KRR1: variants seen among roughly 807,000 people sequenced by gnomAD.
KRR1 encodes KRR1 small subunit processome component homolog.
A neutral mutation model predicts 50.0 loss-of-function variants in KRR1; 23 were observed. The ratio of observed to expected loss-of-function variants is 0.46; its 90% CI spans 0.33 to 0.65. The LOEUF (loss-of-function observed/expected upper bound fraction) is 0.65, where lower values mean the gene tolerates loss of function less well. Among genes scored for constraint, KRR1 ranks in the 30% least tolerant of loss-of-function variants. The pLI, the probability that KRR1 is intolerant of heterozygous loss-of-function variation, is 0.02. For synonymous variants in KRR1, 133 were observed against 146.3 expected (o/e 0.91, Z 0.66); for missense variants, 419 against 442.4 (o/e 0.95, Z 0.47).
intron 2 of KRR1, 74 bp downstream of exon 2, chr12:75,508,200 T>TA: frequency 1.0e-6 from 1 of 1,004,942 alleles, no homozygotes; most frequent in South Asian, 2.2e-5. Flanking sequence ...AAAAAAAGCA[T>TA]TAGCATACAT....
intron 2 of KRR1, 35 bp downstream of exon 2, chr12:75,508,239 T>A: frequency 6.7e-7 from 1 of 1,490,594 alleles, no homozygotes; most frequent in Non-Finnish European, 9.0e-7. Context: ...AAGAGCAAAG[T>A]CTCAAATAAA....
chr12:75,502,128 G>A, intron 7 of KRR1, 128 bp from the exon 8 acceptor site: 1 of 741,702 alleles, frequency 1.3e-6, no homozygotes, highest in Non-Finnish European at 2.3e-6. Context: ...AAATGGTAGT[G>A]ACATAAAGGA....
At chr12:75,511,418 T>C (rs1333563027) in intron 1 of KRR1, 95 bp downstream of exon 1, 9 of 1,079,926 alleles carry the variant, frequency 8.3e-6, no homozygotes, top group Admixed American at 1.7e-5. Context: ...CAGTACAGGC[T>C]CCAGGTGGTT....
chr12:75,499,032 T>G lies in KRR1; in HGVS notation c.*777A>C, dbSNP rs1296911982. 8.3e-7 allele frequency: 1 copy of G among 1,206,714 alleles called. No individual in the cohort carries two copies. Among genetic ancestry groups the G allele is most frequent in the Non-Finnish European group, 1.1e-6 (1 of 871,984 alleles). The allele number at this position is 1,206,714 out of a possible 1,614,324, so 74.8% of individuals were successfully genotyped here. A position where few individuals can be genotyped will look rare whatever the true frequency, so the allele number is the denominator to read the frequency against. ...ACCAACCTCATTCACATATGGCTTT[T>G]TTTTTAACCAATAACAATTAGGTGT... On this transcript the variant is annotated 3_prime_UTR_variant, in exon 10 of 10. Coordinates refer to ENST00000229214, the MANE Select transcript of KRR1 (RefSeq NM_007043.7).
At position 75,498,720 on chromosome 12, in the gene KRR1, C is replaced by A; in HGVS notation, c.*1089G>T. The stretch of plus-strand genomic sequence containing the variant: ...TAACCGACAGCGAGACCAAGTCAAA[C>A]GTACGTACATCAATCTTAAATTGTT... On this transcript the variant is annotated 3_prime_UTR_variant, in exon 10 of 10. Coordinates refer to ENST00000229214, the MANE Select transcript of KRR1 (RefSeq NM_007043.7). The A allele has an allele frequency of 6.2e-7, 1 of 1,612,438 alleles. No individual in the cohort carries two copies. The highest frequency in any genetic ancestry group is 8.5e-7 in the Non-Finnish European group (1 of 1,178,774).
chr12:75,503,789 C>T, intron 7 of KRR1, 115 bp downstream of exon 7: 1 of 942,824 alleles, frequency 1.1e-6, no homozygotes, highest in Non-Finnish European at 1.6e-6. Flanking sequence ...TCTGCACACA[C>T]ACACACAATA....
In KRR1 at chr12:75,495,539, G is replaced by A. The variant is rs201947796; in HGVS notation, c.*4270C>T. The A allele has an allele frequency of 3.3e-5, 41 of 1,241,978 alleles. No homozygotes were observed. The Admixed American group carries it at 4.1e-4, about 12-fold the overall frequency. The allele number at this position is 1,241,978 out of a possible 1,614,324, so 76.9% of individuals were successfully genotyped here. A position where few individuals can be genotyped will look rare whatever the true frequency, so the allele number is the denominator to read the frequency against. ...TAGTAAATTGCAATTTTAAAAAACCGAAAAACTTCTAATGGACATCCTTCT... is the reference window on the plus strand; with the variant it reads ...TAGTAAATTGCAATTTTAAAAAACCAAAAAACTTCTAATGGACATCCTTCT... On this transcript the variant is annotated 3_prime_UTR_variant, in exon 10 of 10. Transcript: ENST00000229214.
Position 75,492,234 on chromosome 12 carries a change from A to G in KRR1, c.*7575T>C, listed in dbSNP as rs956617789. ...CTTCCTAGTACCTGAGACTACAGGCACATGCCACCATGCCCAGTTAATTTT... is the reference window on the plus strand; with the variant it reads ...CTTCCTAGTACCTGAGACTACAGGCGCATGCCACCATGCCCAGTTAATTTT... On this transcript the variant is annotated 3_prime_UTR_variant, in exon 10 of 10. Transcript: ENST00000229214. 1 of 152,164 alleles carries G rather than the reference A, an allele frequency of 6.6e-6. No homozygotes were observed. The highest frequency in any genetic ancestry group is 2.4e-5 in the African/African-American group (1 of 41,418). The allele number at this position is 152,164 out of a possible 1,614,324, so 9.4% of individuals were successfully genotyped here. A position where few individuals can be genotyped will look rare whatever the true frequency, so the allele number is the denominator to read the frequency against.
chr12:75,506,083 G>C, intron 5 of KRR1: 1 of 369,848 alleles, frequency 2.7e-6, no homozygotes, highest in East Asian at 5.2e-5. Context: ...ATAGTGTGCA[G>C]ACCATCTAAT....
At chr12:75,509,086 T>C (rs2046435108) in intron 1 of KRR1, among the ~76,000 whole-genome samples, 1 of 152,172 alleles carries the variant, frequency 6.6e-6, no homozygotes, top group Non-Finnish European at 1.5e-5. Context: ...AACACAAAGC[T>C]CACTCAGCCT....
In KRR1 at chr12:75,511,592, C is replaced by A. The variant is rs1256194239; in HGVS notation, c.6G>T (p.Ala2=). Residue 2 remains alanine (A), a synonymous_variant, in exon 1 of 10, where the codon GCG becomes GCT. Coordinates refer to ENST00000229214, the MANE Select transcript of KRR1 (RefSeq NM_007043.7). M[A]SPSLERPEKG... is the part of the protein sequence containing the mutation. ...TTTCTGGCCGCTCCAGCGAGGGAGA[C>A]GCCATTTGCAAGCTGCTTCCGGTGG... The A allele has an allele frequency of 2.5e-6, 4 of 1,614,000 alleles. No homozygotes were observed. The Admixed American group carries it at 5.0e-5, about 20-fold the overall frequency.
Position 75,498,866 on chromosome 12 carries a change from G to GT in KRR1, c.*942dup, listed in dbSNP as rs1430147770. On this transcript the variant is annotated 3_prime_UTR_variant, in exon 10 of 10. Coordinates refer to ENST00000229214, the MANE Select transcript of KRR1 (RefSeq NM_007043.7). ...TATCCAGGCTGGCCCATATATCCAC[G>GT]TAACAGATACACTTCTCTCTTTCTC... 8 of 1,611,020 alleles carry GT rather than the reference G, an allele frequency of 5.0e-6. No homozygotes were observed. In the East Asian group the frequency reaches 1.8e-4, roughly 36 times the overall value.
intron 1 of KRR1, 49 bp downstream of exon 1, chr12:75,511,464 G>A: frequency 6.6e-7 from 1 of 1,504,076 alleles, no homozygotes; most frequent in Non-Finnish European, 9.2e-7. Flanking sequence ...AAAAAACATC[G>A]CAACTCAACG....
chr12:75,499,718 A>C lies in KRR1; in HGVS notation c.*91T>G. The C allele has an allele frequency of 1.1e-6, 1 of 912,076 alleles. No homozygotes were observed. Among genetic ancestry groups the C allele is most frequent in the Non-Finnish European group, 1.6e-6 (1 of 631,904 alleles). The allele number at this position is 912,076 out of a possible 1,614,324, so 56.5% of individuals were successfully genotyped here. On this transcript the variant is annotated 3_prime_UTR_variant, in exon 10 of 10. Transcript: ENST00000229214. Reference sequence around the variant, plus strand: ...ACCACCAAAAAAAAAAAAAGCCCTCAGAAAATTTCTCACAAATAAGGCAAC... The same window carrying C: ...ACCACCAAAAAAAAAAAAAGCCCTCCGAAAATTTCTCACAAATAAGGCAAC...
Position 75,495,944 on chromosome 12 carries a change from C to A in KRR1, c.*3865G>T. On this transcript the variant is annotated 3_prime_UTR_variant, in exon 10 of 10. Coordinates refer to ENST00000229214, the MANE Select transcript of KRR1 (RefSeq NM_007043.7). ...GATTCCTAAGATTTGCTTATTTCAG[C>A]AAGATCAAAAATAAGTATAACAGGT... 4.4e-6 allele frequency: 1 copy of A among 224,952 alleles called. No homozygotes were observed. The highest frequency in any genetic ancestry group is 8.6e-6 in the Non-Finnish European group (1 of 116,198). 13.9% of individuals were successfully genotyped at this position (224,952 alleles called of 1,614,324 possible). A position where few individuals can be genotyped will look rare whatever the true frequency, so the allele number is the denominator to read the frequency against.
Position 75,498,903 on chromosome 12 carries a change from A to T in KRR1, c.*906T>A. ...CTTCTCTCTTTCTCATTGTTAATTC[A>T]GTAATTCTAATACTGTCTGTTATAA... On this transcript the variant is annotated 3_prime_UTR_variant, in exon 10 of 10. Transcript: ENST00000229214. 3 of 1,607,404 alleles carry T rather than the reference A, an allele frequency of 1.9e-6. No individual in the cohort carries two copies. Among genetic ancestry groups the T allele is most frequent in the Non-Finnish European group, 2.6e-6 (3 of 1,174,178 alleles).
At chr12:75,502,167 A>G in intron 7 of KRR1, 167 bp from the exon 8 acceptor site, 1 of 587,810 alleles carries the variant, frequency 1.7e-6, no homozygotes, top group South Asian at 2.1e-5. Flanking sequence ...GGGAATACAT[A>G]CACAAAAGTG....
intron 7 of KRR1, chr12:75,502,735 A>C (rs1193587527): frequency 6.6e-6 from 1 of 152,076 alleles, no homozygotes; most frequent in East Asian, 1.9e-4. Context: ...TGTTAAGAAC[A>C]AGTCAATCGA....
chr12:75,500,185 A>C (rs554912924), intron 9 of KRR1: 3 of 283,068 alleles, frequency 1.1e-5, no homozygotes, highest in South Asian at 2.0e-4. Context: ...TATTAGTACA[A>C]GTATACATAA....
Sources: gnomAD v4.1 joint callset for allele counts (sites outside exome capture counted in the v4.1 genomes callset) on GRCh38, gnomAD v4.1.1 for gene constraint, MANE v1.5 for transcripts, NCBI Gene and HGNC (gene_info 2026-07-23, HGNC 2026-07-21) for gene names.